The following AP5S1 variants were observed in gnomAD, a reference collection of about 807,000 sequenced individuals.
AP5S1 encodes the protein adaptor related protein complex 5 subunit sigma 1.
In AP5S1, 13 loss-of-function variants were observed where a neutral mutation model predicts 13.9. That is an observed-to-expected ratio of 0.94 (90% CI 0.61 to 1.49). AP5S1 has a LOEUF of 1.49. Ranked by LOEUF, AP5S1 falls within the 40% of genes most tolerant of loss-of-function variation. The pLI, the probability that AP5S1 is intolerant of heterozygous loss-of-function variation, is 0.00. For missense variants in AP5S1, 292 were observed against 272.3 expected (o/e 1.07, Z -0.51); for synonymous variants, 132 against 121.8 (o/e 1.08, Z -0.55).
rs1454278523 is a variant in AP5S1 at position 3,827,245 on chromosome 20, AAGG to A, written c.*2953_*2955del. On this transcript the variant is annotated 3_prime_UTR_variant, in exon 3 of 3. Coordinates refer to ENST00000615891, the MANE Select transcript of AP5S1 (RefSeq NM_018347.3). ...AGCCCAGAGAAGAGAGCTTACCTGG[AAGG>A]AGGAAGAAGTCACAGGTTTTGTTTT... 6.6e-6 allele frequency: 1 copy of A among 152,434 alleles called. No individual in the cohort carries two copies. The highest frequency in any genetic ancestry group is 1.5e-5 in the Non-Finnish European group (1 of 68,282). The allele number at this position is 152,434 out of a possible 1,614,324, so 9.4% of individuals were successfully genotyped here. A position where few individuals can be genotyped will look rare whatever the true frequency, so the allele number is the denominator to read the frequency against.
rs551425342 is a variant in AP5S1, at chr20:3,824,232, C to T, written c.538C>T (p.Leu180Phe). 3 of 1,614,218 alleles carry T rather than the reference C, an allele frequency of 1.9e-6. No individual in the cohort carries two copies. Among genetic ancestry groups the T allele is most frequent in the East Asian group, 4.5e-5 (2 of 44,890 alleles). Reference sequence around the variant, plus strand: ...CCGCTTCCTGCCACATGGTCAGCTGCTTTTCCTCAACGACCAGTTTGTCCA... The same window carrying T: ...CCGCTTCCTGCCACATGGTCAGCTGTTTTTCCTCAACGACCAGTTTGTCCA... ...LTRFLPHGQL[L>F]FLNDQFVQGL... The change falls in exon 3 of 3, where the codon CTT becomes TTT. Residue 180 changes from leucine to phenylalanine, a missense_variant. Leu to Phe is a conservative substitution (Grantham distance 22). Coordinates refer to ENST00000615891, the MANE Select transcript of AP5S1 (RefSeq NM_018347.3).
In AP5S1 at chr20:3,827,659, A is replaced by G. The variant is rs2089632370; in HGVS notation, c.*3362A>G. 1 of 151,594 alleles carries G rather than the reference A, an allele frequency of 6.6e-6. No homozygotes were observed. The highest frequency in any genetic ancestry group is 2.4e-5 in the African/African-American group (1 of 41,260). 9.4% of individuals were successfully genotyped at this position (151,594 alleles called of 1,614,324 possible). A position where few individuals can be genotyped will look rare whatever the true frequency, so the allele number is the denominator to read the frequency against. On this transcript the variant is annotated 3_prime_UTR_variant, in exon 3 of 3. Coordinates refer to ENST00000615891, the MANE Select transcript of AP5S1 (RefSeq NM_018347.3). ...GCATGTATGTGAGCCCTGGGATGGGATTGGATCATCTTGTCTCCTTTAGGG... is the reference window on the plus strand; with the variant it reads ...GCATGTATGTGAGCCCTGGGATGGGGTTGGATCATCTTGTCTCCTTTAGGG...
rs2089616234 is a variant in AP5S1, at chr20:3,825,048, C to G, written c.*751C>G. 6.6e-6 allele frequency: 1 copy of G among 152,194 alleles called. No individual in the cohort carries two copies. The highest frequency in any genetic ancestry group is 2.4e-5 in the African/African-American group (1 of 41,444). The allele number at this position is 152,194 out of a possible 1,614,324, so 9.4% of individuals were successfully genotyped here. On this transcript the variant is annotated 3_prime_UTR_variant, in exon 3 of 3. Coordinates refer to ENST00000615891, the MANE Select transcript of AP5S1 (RefSeq NM_018347.3). ...GCCACAGCCCCTGGCTTTGTGCCCA[C>G]TTAGGCAGTATTATCAACAAGGTCC...
At position 3,823,891 on chromosome 20, in the gene AP5S1, G is replaced by T. The variant is rs184260219; in HGVS notation, c.197G>T (p.Arg66Leu). The change falls in exon 3 of 3, where the codon CGG (arginine) becomes CTG (leucine). Residue 66 changes from arginine (R) to leucine (L), a missense_variant. Coordinates refer to ENST00000615891, the MANE Select transcript of AP5S1 (RefSeq NM_018347.3). Reference protein sequence around the residue: ...AVARQVESMCRLQQQASGRPP... With the variant: ...AVARQVESMCLLQQQASGRPP... ...CCCAGGCAGGTAGAGTCAATGTGTC[G>T]GCTGCAGCAGCAGGCATCTGGCCGG... 4 of 1,601,182 alleles carry T rather than the reference G, an allele frequency of 2.5e-6. No homozygotes were observed. The highest frequency in any genetic ancestry group is 2.7e-5 in the African/African-American group (2 of 75,010).
At position 3,823,957 on chromosome 20, in the gene AP5S1, T is replaced by G; in HGVS notation, c.263T>G (p.Val88Gly). 6.2e-7 allele frequency: 1 copy of G among 1,609,512 alleles called. No individual in the cohort carries two copies. Among genetic ancestry groups the G allele is most frequent in the South Asian group, 1.1e-5 (1 of 91,086 alleles). ...DLQPQSSDEQ[V>G]PLHEAPRGAF... ...CAGCCGCAATCCTCAGATGAGCAAG[T>G]GCCGCTGCACGAGGCCCCACGTGGG... Residue 88 changes from valine to glycine, a missense_variant, in exon 3 of 3, where the codon GTG becomes GGG. Physicochemically the swap from Val to Gly is moderately radical, Grantham distance 109. Coordinates refer to ENST00000615891, the MANE Select transcript of AP5S1 (RefSeq NM_018347.3).
rs755882417 is a variant in AP5S1, at chr20:3,824,334, G to C, written c.*37G>C. On this transcript the variant is annotated 3_prime_UTR_variant, in exon 3 of 3. Transcript: ENST00000615891. ...GATGGTGCTTCTGAGGGCAGGCAGA[G>C]GGTAGACACACAGCCAGATGAAGCT... 1.3e-6 allele frequency: 2 copies of C among 1,574,850 alleles called. No individual in the cohort carries two copies. The highest frequency in any genetic ancestry group is 1.7e-6 in the Non-Finnish European group (2 of 1,153,608).
At position 3,823,905 on chromosome 20, in the gene AP5S1, G is replaced by T. The variant is rs750319537; in HGVS notation, c.211G>T (p.Ala71Ser). ...GTCAATGTGTCGGCTGCAGCAGCAGGCATCTGGCCGGCCCCCCATGGACCT... is the reference window on the plus strand; with the variant it reads ...GTCAATGTGTCGGCTGCAGCAGCAGTCATCTGGCCGGCCCCCCATGGACCT... ...VESMCRLQQQ[A>S]SGRPPMDLQP... Residue 71 changes from alanine (A) to serine (S), a missense_variant, in exon 3 of 3, where the codon GCA becomes TCA. Coordinates refer to ENST00000615891, the MANE Select transcript of AP5S1 (RefSeq NM_018347.3). 6.2e-7 allele frequency: 1 copy of T among 1,602,282 alleles called. No homozygotes were observed. The highest frequency in any genetic ancestry group is 8.5e-7 in the Non-Finnish European group (1 of 1,179,160).
At position 3,827,186 on chromosome 20, in the gene AP5S1, C is replaced by T. The variant is rs1334746073; in HGVS notation, c.*2889C>T. On this transcript the variant is annotated 3_prime_UTR_variant, in exon 3 of 3. Coordinates refer to ENST00000615891, the MANE Select transcript of AP5S1 (RefSeq NM_018347.3). Reference sequence around the variant, plus strand: ...TTACCAGTGTACCTCCACAAACACTCCTGGGACAACAGATGATGACAGGAG... The same window carrying T: ...TTACCAGTGTACCTCCACAAACACTTCTGGGACAACAGATGATGACAGGAG... 1 of 152,220 alleles carries T rather than the reference C, an allele frequency of 6.6e-6. No individual in the cohort carries two copies. The highest frequency in any genetic ancestry group is 1.5e-5 in the Non-Finnish European group (1 of 68,088). The allele number at this position is 152,220 out of a possible 1,614,324, so 9.4% of individuals were successfully genotyped here. A position where few individuals can be genotyped will look rare whatever the true frequency, so the allele number is the denominator to read the frequency against.
At position 3,826,998 on chromosome 20, in the gene AP5S1, T is replaced by A. The variant is rs543731725; in HGVS notation, c.*2701T>A. On this transcript the variant is annotated 3_prime_UTR_variant, in exon 3 of 3. Transcript: ENST00000615891. ...GGGCACTTCAGTGACGAAGGCCAAG[T>A]GAAGGAGCCAGGATTTAGAACTAAA... The A allele has an allele frequency of 4.6e-5, 7 of 152,306 alleles. No homozygotes were observed. Among genetic ancestry groups the A allele is most frequent in the African/African-American group, 1.7e-4 (7 of 41,558 alleles). The allele number at this position is 152,306 out of a possible 1,614,324, so 9.4% of individuals were successfully genotyped here.
Position 3,824,132 on chromosome 20 carries a change from C to A in AP5S1, c.438C>A (p.Leu146=). 1 of 1,614,054 alleles carries A rather than the reference C, an allele frequency of 6.2e-7. No individual in the cohort carries two copies. The highest frequency in any genetic ancestry group is 8.5e-7 in the Non-Finnish European group (1 of 1,180,040). The change falls in exon 3 of 3, where the codon CTC becomes CTA. Residue 146 remains leucine, a synonymous_variant. Transcript: ENST00000615891. ...EGTLRLLTRL[L]LDHLRLLAPS... ...CGCTCCGGCTGCTGACACGCCTCCT[C>A]CTTGACCACCTCCGGCTGCTGGCGC...
intron 1 of AP5S1, 45 bp from the exon 2 acceptor site, chr20:3,822,057 C>G: frequency 1.3e-6 from 2 of 1,581,322 alleles, no homozygotes; most frequent in Non-Finnish European, 1.7e-6. Context: ...GCCTCTCCTG[C>G]TGGGGTTCAC....
intron 1 of AP5S1, among the ~76,000 whole-genome samples, chr20:3,821,474 C>G (rs1326771014): frequency 6.6e-6 from 1 of 152,008 alleles, no homozygotes; most frequent in African/African-American, 2.4e-5. Flanking sequence ...CGGGTTCAAG[C>G]GATTCTGTGG....
chr20:3,825,272 T>C lies in AP5S1; in HGVS notation c.*975T>C, dbSNP rs1268497692. The C allele has an allele frequency of 3.9e-5, 6 of 152,246 alleles. No individual in the cohort carries two copies. Among genetic ancestry groups the C allele is most frequent in the Non-Finnish European group, 7.3e-5 (5 of 68,064 alleles). The allele number at this position is 152,246 out of a possible 1,614,324, so 9.4% of individuals were successfully genotyped here. A position where few individuals can be genotyped will look rare whatever the true frequency, so the allele number is the denominator to read the frequency against. On this transcript the variant is annotated 3_prime_UTR_variant, in exon 3 of 3. Coordinates refer to ENST00000615891, the MANE Select transcript of AP5S1 (RefSeq NM_018347.3). ...TAGCCTGGATGACATATTTTTCGTT[T>C]TGAATTAAAAGCACTGGCTGTGTGA...
chr20:3,821,520 C>T (rs541850288), intron 1 of AP5S1, among the ~76,000 whole-genome samples: 1 of 152,020 alleles, frequency 6.6e-6, no homozygotes, highest in Non-Finnish European at 1.5e-5. Context: ...TACAACCATG[C>T]GCCACCATGC....
Position 3,828,748 on chromosome 20 carries a change from A to G in AP5S1, c.*4451A>G, listed in dbSNP as rs2089637965. ...TGGAAGTACTGCTGAATAGTATTCCATTATGTGGATGTACATTATCTGTTC... is the reference window on the plus strand; with the variant it reads ...TGGAAGTACTGCTGAATAGTATTCCGTTATGTGGATGTACATTATCTGTTC... On this transcript the variant is annotated 3_prime_UTR_variant, in exon 3 of 3. Coordinates refer to ENST00000615891, the MANE Select transcript of AP5S1 (RefSeq NM_018347.3). The G allele has an allele frequency of 6.6e-6, 1 of 152,238 alleles. No homozygotes were observed. The highest frequency in any genetic ancestry group is 1.5e-5 in the Non-Finnish European group (1 of 68,048). The allele number at this position is 152,238 out of a possible 1,614,324, so 9.4% of individuals were successfully genotyped here. A position where few individuals can be genotyped will look rare whatever the true frequency, so the allele number is the denominator to read the frequency against.
intron 1 of AP5S1, 199 bp from the exon 2 acceptor site, chr20:3,821,903 C>T (rs6037667): frequency 0.1 from 96,619 of 944,366 alleles, 6,833 homozygotes; most frequent in African/African-American, 0.34. Context: ...TAGTTTATGC[C>T]TATTCTGCTT....
rs918024022 is a variant in AP5S1 at position 3,824,481 on chromosome 20, G to A, written c.*184G>A. On this transcript the variant is annotated 3_prime_UTR_variant, in exon 3 of 3. Coordinates refer to ENST00000615891, the MANE Select transcript of AP5S1 (RefSeq NM_018347.3). ...GGAGGTCCTGCCTGTCCTCAGGTTA[G>A]TGGAACCACAGAACTTCCTGAGCCT... The A allele has an allele frequency of 1.5e-4, 99 of 643,032 alleles. No individual in the cohort carries two copies. Among genetic ancestry groups the A allele is most frequent in the Admixed American group, 2.4e-4 (8 of 33,824 alleles). 39.8% of individuals were successfully genotyped at this position (643,032 alleles called of 1,614,324 possible).
In AP5S1 at chr20:3,823,961, G is replaced by A. The variant is rs766389023; in HGVS notation, c.267G>A (p.Pro89=). ...LQPQSSDEQV[P]LHEAPRGAFR... ...CGCAATCCTCAGATGAGCAAGTGCC[G>A]CTGCACGAGGCCCCACGTGGGGCTT... The change falls in exon 3 of 3, where the codon CCG becomes CCA. Residue 89 remains proline (P), a synonymous_variant. Coordinates refer to ENST00000615891, the MANE Select transcript of AP5S1 (RefSeq NM_018347.3). 8.1e-6 allele frequency: 13 copies of A among 1,609,894 alleles called. 1 individual carries two copies. The highest frequency in any genetic ancestry group is 5.5e-5 in the South Asian group (5 of 91,090).
At chr20:3,822,044 G>A (rs2146729766) in intron 1 of AP5S1, 58 bp from the exon 2 acceptor site, 2 of 1,550,902 alleles carry the variant, frequency 1.3e-6, no homozygotes, top group South Asian at 1.2e-5. Flanking sequence ...CCTTCCTGTG[G>A]TCGCCTCTCC....
Sources: gnomAD v4.1 joint callset for allele counts (sites outside exome capture counted in the v4.1 genomes callset) on GRCh38, gnomAD v4.1.1 for gene constraint, MANE v1.5 for transcripts, NCBI Gene and HGNC (gene_info 2026-07-23, HGNC 2026-07-21) for gene names.